The following TMEFF1 variants were observed in gnomAD, a reference collection of about 807,000 sequenced individuals.
TMEFF1 encodes transmembrane protein with EGF like and two follistatin like domains 1, also known as tomoregulin-1.
TMEFF1 carries 20 observed loss-of-function variants against 47.5 expected under a neutral mutation model. The ratio of observed to expected loss-of-function variants is 0.42; its 90% CI spans 0.30 to 0.61. The LOEUF is 0.61. Among genes scored for constraint, TMEFF1 ranks in the 20% least tolerant of loss-of-function variants. The pLI, the probability that TMEFF1 is intolerant of heterozygous loss-of-function variation, is 0.19. For missense variants in TMEFF1, 411 were observed against 471.1 expected, an observed-to-expected ratio of 0.87 and a Z score of 1.18; for synonymous variants, 162 against 166.3, an observed-to-expected ratio of 0.97 and a Z score of 0.20.
chr9:100,480,539 A>G (rs892149875), intron 1 of TMEFF1, among the ~76,000 whole-genome samples: 1 of 152,194 alleles, frequency 6.6e-6, no homozygotes. Context: ...CAGAGTGGAG[A>G]AACCCTGTAA....
chr9:100,484,312 A>C (rs897154564), intron 1 of TMEFF1, among the ~76,000 whole-genome samples: 3 of 151,776 alleles, frequency 2.0e-5, no homozygotes, highest in Admixed American at 6.6e-5. Flanking sequence ...CTCCAAAAGG[A>C]ACTTTACATT....
chr9:100,550,564 T>C (rs922895375), intron 7 of TMEFF1, among the ~76,000 whole-genome samples: 2 of 152,244 alleles, frequency 1.3e-5, no homozygotes, highest in African/African-American at 2.4e-5. Flanking sequence ...TAATTCCTTC[T>C]TATCCTTTTA....
At chr9:100,556,729 C>G (rs1003093026) in intron 7 of TMEFF1, among the ~76,000 whole-genome samples, 9 of 152,198 alleles carry the variant, frequency 5.9e-5, no homozygotes, top group African/African-American at 1.9e-4. Context: ...AGTTTCTGAG[C>G]TCATTCACTT....
intron 7 of TMEFF1, among the ~76,000 whole-genome samples, chr9:100,556,740 T>G (rs1838922524): frequency 6.6e-6 from 1 of 152,216 alleles, no homozygotes. Flanking sequence ...TCATTCACTT[T>G]CCAAAACATC....
rs560139396 is a variant in TMEFF1, at chr9:100,488,629, C to G, written c.197-10136C>G. On this transcript the variant is annotated intron_variant, in intron 1 of 9. Coordinates refer to ENST00000374879, the MANE Select transcript of TMEFF1 (RefSeq NM_003692.5). ...TTATTATGTGTATTATTATTTTGCT[C>G]TAAGTGCTTTCCATATCTTTAATCC... 9.2e-5 allele frequency among the ~76,000 whole-genome samples: 14 copies of G among 152,222 alleles called. No homozygotes were observed. In the South Asian group the frequency reaches 2.7e-3, roughly 29 times the overall value.
chr9:100,520,803 G>C (rs1479514998), intron 5 of TMEFF1, among the ~76,000 whole-genome samples: 1 of 152,198 alleles, frequency 6.6e-6, no homozygotes, highest in Non-Finnish European at 1.5e-5. Context: ...AGGCTGAATG[G>C]AGAACCAGAA....
intron 5 of TMEFF1, among the ~76,000 whole-genome samples, chr9:100,523,133 T>C (rs1343562207): frequency 6.6e-6 from 1 of 152,240 alleles, no homozygotes; most frequent in Non-Finnish European, 1.5e-5. Flanking sequence ...CTTGCAATTT[T>C]CTGAATGCAC....
chr9:100,568,499 A>C (rs1839168739), intron 8 of TMEFF1, among the ~76,000 whole-genome samples: 1 of 152,194 alleles, frequency 6.6e-6, no homozygotes, highest in Non-Finnish European at 1.5e-5. Context: ...CATAACAGTA[A>C]TAACTGTGCT....
chr9:100,550,123 G>C lies in TMEFF1; in HGVS notation c.738G>C (p.Lys246Asn). 6.2e-7 allele frequency: 1 copy of C among 1,611,614 alleles called. No individual in the cohort carries two copies. Among genetic ancestry groups the C allele is most frequent in the Non-Finnish European group, 8.5e-7 (1 of 1,179,104 alleles). Residue 246 changes from lysine (K) to asparagine (N), a missense_variant, in exon 7 of 10, where the codon AAG becomes AAC. Lys to Asn is a moderately conservative substitution (Grantham distance 94). Transcript: ENST00000374879. Reference sequence around the variant, plus strand: ...CAGATGACACTAGTTTGTTGGGAAAGAAAGATGATGGACTACAATATCGAC... The same window carrying C: ...CAGATGACACTAGTTTGTTGGGAAACAAAGATGATGGACTACAATATCGAC... ...TDTDDTSLLG[K>N]KDDGLQYRPD...
chr9:100,520,618 A>G (rs1473545460), intron 5 of TMEFF1, among the ~76,000 whole-genome samples: 4 of 152,236 alleles, frequency 2.6e-5, no homozygotes, highest in Non-Finnish European at 5.9e-5. Context: ...TTGCCTTCTT[A>G]AACAGAATAT....
chr9:100,566,006 A>G (rs1043539380), intron 8 of TMEFF1, among the ~76,000 whole-genome samples: 4 of 152,218 alleles, frequency 2.6e-5, no homozygotes, highest in African/African-American at 9.6e-5. Flanking sequence ...TTCAGTGGTC[A>G]GTACTTAGTC....
At chr9:100,511,019 G>T (rs1437114341) in intron 3 of TMEFF1, among the ~76,000 whole-genome samples, 2 of 152,114 alleles carry the variant, frequency 1.3e-5, no homozygotes, top group Non-Finnish European at 2.9e-5. Context: ...TATGACGTAG[G>T]TTACCTTCCG....
chr9:100,562,481 G>C (rs1839034855), intron 8 of TMEFF1, among the ~76,000 whole-genome samples: 1 of 151,966 alleles, frequency 6.6e-6, no homozygotes, highest in Non-Finnish European at 1.5e-5. Context: ...ACTGTAAACT[G>C]TTAATGGTTG....
In TMEFF1 at chr9:100,576,564, T is replaced by G; in HGVS notation, c.1107T>G (p.Gly369=). 6.2e-7 allele frequency: 1 copy of G among 1,613,392 alleles called. No individual in the cohort carries two copies. Among genetic ancestry groups the G allele is most frequent in the Non-Finnish European group, 8.5e-7 (1 of 1,179,652 alleles). The change falls in exon 10 of 10, where the codon GGT becomes GGG. Residue 369 remains glycine, a synonymous_variant. Transcript: ENST00000374879. ...NRGRRQKQNL[G]HFTSDTSSRM... ...GACGTCGACAGAAGCAAAACCTAGG[T>G]CATTTTACTTCAGATACGTCATCCA...
At chr9:100,566,956 G>A (rs898653079) in intron 8 of TMEFF1, among the ~76,000 whole-genome samples, 3 of 152,038 alleles carry the variant, frequency 2.0e-5, no homozygotes, top group African/African-American at 7.2e-5. Context: ...TCATCATGTT[G>A]CGCAGGCTGG....
intron 1 of TMEFF1, among the ~76,000 whole-genome samples, chr9:100,479,874 G>A (rs1188028676): frequency 1.3e-5 from 2 of 152,178 alleles, no homozygotes; most frequent in African/African-American, 2.4e-5. Flanking sequence ...GTTCTGTTGT[G>A]TATGTATCTA....
chr9:100,534,311 G>A (rs191000752), intron 5 of TMEFF1, among the ~76,000 whole-genome samples: 1 of 152,078 alleles, frequency 6.6e-6, no homozygotes, highest in African/African-American at 2.4e-5. Flanking sequence ...TTGATTGGGG[G>A]CTTTTAGATT....
chr9:100,486,658 C>T (rs1281796619), intron 1 of TMEFF1, among the ~76,000 whole-genome samples: 2 of 152,142 alleles, frequency 1.3e-5, no homozygotes. Flanking sequence ...TTTTTTGAGA[C>T]AATGTCTCCC....
chr9:100,483,744 C>G (rs1035563199), intron 1 of TMEFF1, among the ~76,000 whole-genome samples: 1 of 151,964 alleles, frequency 6.6e-6, no homozygotes, highest in South Asian at 2.1e-4. Flanking sequence ...CTTTAAGTCT[C>G]TCTTTGTGTA....
Sources: allele counts gnomAD v4.1 joint callset (sites outside exome capture counted in the v4.1 genomes callset), GRCh38; gene constraint gnomAD v4.1.1; transcripts MANE v1.5; gene names NCBI Gene and HGNC (gene_info 2026-07-23, HGNC 2026-07-21).